Variants in PCBP3 observed in about 807,000 individuals in gnomAD.
PCBP3 encodes the protein poly(rC) binding protein 3.
A neutral mutation model predicts 52.7 loss-of-function variants in PCBP3; 25 were observed. The ratio of observed to expected loss-of-function variants is 0.47; its 90% CI spans 0.35 to 0.66. The LOEUF is 0.66. Ranked by LOEUF, PCBP3 falls within the 30% of genes least tolerant of loss-of-function variation. The pLI is 0.01. For missense variants in PCBP3, 391 were observed against 490.3 expected, an observed-to-expected ratio of 0.80 and a Z score of 1.91; for synonymous variants, 162 against 183.0, an observed-to-expected ratio of 0.89 and a Z score of 0.93.
At chr21:45,864,730 G>C (rs2094643990) in intron 5 of PCBP3, among the ~76,000 whole-genome samples, 1 of 152,166 alleles carries the variant, frequency 6.6e-6, no homozygotes, top group Non-Finnish European at 1.5e-5. Context: ...AGTTTGATTT[G>C]AATGTGTCCT....
At position 45,738,761 on chromosome 21, in the gene PCBP3, C is replaced by T. The variant is rs1360073592; in HGVS notation, c.-162+3332C>T. Among the ~76,000 whole-genome samples the T allele has an allele frequency of 2.1e-4, 20 of 95,044 alleles. 1 individual carries two copies. Among genetic ancestry groups the T allele is most frequent in the East Asian group, 3.8e-4 (1 of 2,632 alleles). The allele number at this position is 95,044 out of a possible 152,430, so 62.4% of individuals were successfully genotyped here. A position where few individuals can be genotyped will look rare whatever the true frequency, so the allele number is the denominator to read the frequency against. Reference sequence around the variant, plus strand: ...ACCCCTTCCTGTCCATTGTCTTCTGCGTGGCCCCTCCCATCTTCATCAGCC... The same window carrying T: ...ACCCCTTCCTGTCCATTGTCTTCTGTGTGGCCCCTCCCATCTTCATCAGCC... On this transcript the variant is annotated intron_variant, in intron 3 of 17. Transcript: ENST00000681687.
rs933453205 is a variant in PCBP3 at position 45,850,241 on chromosome 21, A to C, written c.10+146A>C. ...CTTCAGTCCACAATGTGCCCTGAAGACTATTCTGTATATGACTTTGGGAAA... is the reference window on the plus strand; with the variant it reads ...CTTCAGTCCACAATGTGCCCTGAAGCCTATTCTGTATATGACTTTGGGAAA... On this transcript the variant is annotated intron_variant, in intron 5 of 17. Transcript: ENST00000681687. 7 of 737,538 alleles carry C rather than the reference A, an allele frequency of 9.5e-6. No individual in the cohort carries two copies. The Admixed American group carries it at 1.0e-4, about 11-fold the overall frequency. The allele number at this position is 737,538 out of a possible 1,614,324, so 45.7% of individuals were successfully genotyped here. A position where few individuals can be genotyped will look rare whatever the true frequency, so the allele number is the denominator to read the frequency against.
At position 45,930,839 on chromosome 21, in the gene PCBP3, T is replaced by C; in HGVS notation, c.850T>C (p.Ser284Pro). Residue 284 changes from serine to proline, a missense_variant, in exon 15 of 18, where the codon TCA (serine) becomes CCA (proline). Transcript: ENST00000681687. ...SEEAQNLMGQ[S>P]SGLDASPPAS... ...AGAAGCTCAAAATCTGATGGGCCAG[T>C]CATCAGGTAACACAAAGCCACACTG... is the stretch of plus-strand genomic sequence containing the variant. 6.2e-7 allele frequency: 1 copy of C among 1,609,360 alleles called. No individual in the cohort carries two copies. The highest frequency in any genetic ancestry group is 8.5e-7 in the Non-Finnish European group (1 of 1,176,230).
At chr21:45,859,175 C>T (rs968893574) in intron 5 of PCBP3, among the ~76,000 whole-genome samples, 10 of 152,164 alleles carry the variant, frequency 6.6e-5, no homozygotes, top group East Asian at 1.9e-4. Context: ...CTGGTGTCAC[C>T]GTCCTTGGGA....
intron 17 of PCBP3, among the ~76,000 whole-genome samples, chr21:45,941,414 G>A (rs1265907167): frequency 1.3e-5 from 2 of 152,204 alleles, no homozygotes; most frequent in African/African-American, 4.8e-5. Flanking sequence ...CTGTGTAGGG[G>A]GCTCCACATG....
chr21:45,809,636 G>A (rs2146990511), intron 4 of PCBP3, among the ~76,000 whole-genome samples: 1 of 152,350 alleles, frequency 6.6e-6, no homozygotes, highest in South Asian at 2.1e-4. Flanking sequence ...CTTCCCCCCT[G>A]CCGCTGCCAC....
chr21:45,779,655 T>A (rs2092929222), intron 4 of PCBP3, among the ~76,000 whole-genome samples: 1 of 152,242 alleles, frequency 6.6e-6, no homozygotes, highest in African/African-American at 2.4e-5. Flanking sequence ...CAAGAGATGT[T>A]CAACACTTGA....
intron 6 of PCBP3, among the ~76,000 whole-genome samples, chr21:45,898,986 G>A (rs1378099025): frequency 1.9e-5 from 2 of 104,062 alleles, no homozygotes; most frequent in Non-Finnish European, 3.8e-5. Flanking sequence ...CCTCACCGAC[G>A]TCACCATTGC....
At chr21:45,759,633 T>C (rs1446440269) in intron 4 of PCBP3, among the ~76,000 whole-genome samples, 2 of 152,176 alleles carry the variant, frequency 1.3e-5, no homozygotes, top group Non-Finnish European at 2.9e-5. Flanking sequence ...CAAGAGAAGA[T>C]TTCAGACATG....
At position 45,853,952 on chromosome 21, in the gene PCBP3, A is replaced by G. The variant is rs1178019998; in HGVS notation, c.10+3857A>G. The G allele has an allele frequency of 6.6e-6, 1 of 152,014 alleles. No homozygotes were observed. The highest frequency in any genetic ancestry group is 1.5e-5 in the Non-Finnish European group (1 of 68,036). The allele number at this position is 152,014 out of a possible 1,614,324, so 9.4% of individuals were successfully genotyped here. ...GGTGGTGCCGACGTGTCATAAACTG[A>G]TATCCGCATCTCAGCCTCTGTGCAC... On this transcript the variant is annotated intron_variant, in intron 5 of 17. Transcript: ENST00000681687. This position sits in a 1 kb window ranked among gnomAD's most constrained non-coding sequence, Gnocchi z 4.6.
intron 3 of PCBP3, among the ~76,000 whole-genome samples, chr21:45,752,288 T>C (rs1009639967): frequency 6.6e-6 from 1 of 152,096 alleles, no homozygotes; most frequent in Admixed American, 6.5e-5. Flanking sequence ...TTGATTTTTT[T>C]CTATGGGATG....
chr21:45,783,459 GAAAAGTGATTCTC>G (rs60459853), intron 4 of PCBP3, among the ~76,000 whole-genome samples: 3,432 of 152,330 alleles, frequency 0.023, 122 homozygotes, highest in East Asian at 0.12. Flanking sequence ...AAGAACTTGG[GAAAAGTGATTCTC>G]ACAAGCATTG....
chr21:45,871,720 C>T (rs1227899505), intron 5 of PCBP3: 1 of 152,328 alleles, frequency 6.6e-6, no homozygotes, highest in Non-Finnish European at 1.5e-5. Flanking sequence ...ATGGCGGCCA[C>T]GATCTTTCTG....
chr21:45,935,594 G>A (rs2076809101), intron 16 of PCBP3: 24 of 523,432 alleles, frequency 4.6e-5, no homozygotes, highest in South Asian at 4.1e-4. Context: ...AACCTATGTT[G>A]CTGTGGAGGC....
At chr21:45,873,926 G>A (rs2095141568) in intron 5 of PCBP3, among the ~76,000 whole-genome samples, 3 of 152,232 alleles carry the variant, frequency 2.0e-5, no homozygotes, top group East Asian at 1.9e-4. Flanking sequence ...ATCGTGCCTG[G>A]CTAATCTTCA....
At position 45,766,913 on chromosome 21, in the gene PCBP3, CAA is replaced by C. The variant is rs1025006515; in HGVS notation, c.-126+11462_-126+11463del. 2.5e-3 allele frequency among the ~76,000 whole-genome samples: 388 copies of C among 152,172 alleles called. 2 individuals carry two copies. The highest frequency in any genetic ancestry group is 8.7e-3 in the African/African-American group (361 of 41,454). ...AAGCCAACACAATCAACAACAACAA[CAA>C]GAGTGGTATCATTACAGTCTGTCAG... On this transcript the variant is annotated intron_variant, in intron 4 of 17. Coordinates refer to ENST00000681687, the MANE Select transcript of PCBP3 (RefSeq NM_001384156.1).
chr21:45,892,374 C>G (rs747083986), intron 5 of PCBP3, among the ~76,000 whole-genome samples: 26 of 151,792 alleles, frequency 1.7e-4, no homozygotes, highest in Non-Finnish European at 2.8e-4. Context: ...CTCCAGTCAT[C>G]GTGCAGAACA....
chr21:45,709,606 G>T (rs1047076757), intron 2 of PCBP3, among the ~76,000 whole-genome samples: 5 of 151,932 alleles, frequency 3.3e-5, no homozygotes, highest in Non-Finnish European at 7.4e-5. Context: ...TTTTAGAATG[G>T]TGTTAGATTT....
In PCBP3 at chr21:45,805,320, G is replaced by T. The variant is rs561421546; in HGVS notation, c.-125-44641G>T. ...CTGAAAACCCCCCAGGTGGTGTCTG[G>T]GGGGGAAAGTAATTGGAAGATTATG... is the stretch of plus-strand genomic sequence containing the variant. On this transcript the variant is annotated intron_variant, in intron 4 of 17. Transcript: ENST00000681687. The surrounding 1 kb of genome is among the most constrained non-coding windows in gnomAD (Gnocchi z 4.6). Among the ~76,000 whole-genome samples, 112 of 152,152 alleles carry T rather than the reference G, an allele frequency of 7.4e-4. 1 individual carries two copies. Among genetic ancestry groups the T allele is most frequent in the Non-Finnish European group, 1.3e-3 (91 of 67,982 alleles).
Sources: gnomAD v4.1 joint callset for allele counts (sites outside exome capture counted in the v4.1 genomes callset) on GRCh38, gnomAD v4.1.1 for gene constraint, Gnocchi (gnomAD v3.1) non-coding constraint, MANE v1.5 for transcripts, NCBI Gene and HGNC (gene_info 2026-07-23, HGNC 2026-07-21) for gene names.